C14orf39: variants seen among roughly 807,000 people sequenced by gnomAD.
The protein encoded by C14orf39 is protein SIX6OS1.
Under a neutral mutation model 85.6 loss-of-function variants are expected in C14orf39, and 66 were observed. The ratio of observed to expected loss-of-function variants is 0.77; its 90% CI spans 0.63 to 0.95. The LOEUF is 0.95. C14orf39 is among the 40% of genes least tolerant of loss of function. The pLI, the probability that C14orf39 is intolerant of heterozygous loss-of-function variation, is 0.00. For missense variants in C14orf39, 735 were observed against 663.9 expected (o/e 1.11, Z -1.18); for synonymous variants, 242 against 214.0 (o/e 1.13, Z -1.14).
chr14:60,475,453 C>T (rs1328437751), intron 5 of C14orf39, among the ~76,000 whole-genome samples: 1 of 152,024 alleles, frequency 6.6e-6, no homozygotes, highest in East Asian at 1.9e-4. Flanking sequence ...AATCTGCCAC[C>T]TATTTTTGTA....
intron 16 of C14orf39, among the ~76,000 whole-genome samples, chr14:60,444,312 G>A (rs1890660478): frequency 6.6e-6 from 1 of 152,278 alleles, no homozygotes; most frequent in African/African-American, 2.4e-5. Flanking sequence ...AAAAAGGTTA[G>A]ACGAATGGCT....
At chr14:60,480,509 T>C (rs1365853844) in intron 4 of C14orf39, among the ~76,000 whole-genome samples, 1 of 152,188 alleles carries the variant, frequency 6.6e-6, no homozygotes, top group Non-Finnish European at 1.5e-5. Context: ...TTGGTGGAAG[T>C]GTAAACTAGT....
At chr14:60,500,581 CACAA>C (rs1566688666) in intron 1 of C14orf39, among the ~76,000 whole-genome samples, 1 of 152,060 alleles carries the variant, frequency 6.6e-6, no homozygotes, top group Non-Finnish European at 1.5e-5. Flanking sequence ...TGCTGTAGAA[CACAA>C]TGTAACCTTC....
intron 16 of C14orf39, among the ~76,000 whole-genome samples, chr14:60,451,000 C>A (rs912238209): frequency 6.6e-6 from 1 of 152,194 alleles, no homozygotes; most frequent in Non-Finnish European, 1.5e-5. Flanking sequence ...ACAGGCACTA[C>A]AAGCCCAGAC....
chr14:60,515,138 C>G lies in C14orf39; in HGVS notation c.-144+257G>C, dbSNP rs979771210. ...CCCTGCCTGCGCCGCGCGGCTACCC[C>G]CGTGCCCGGCGCCGCCGACGGGAAG... On this transcript the variant is annotated intron_variant, in intron 1 of 5. Transcript: ENST00000556799. This position sits in a 1 kb window ranked among gnomAD's most constrained non-coding sequence, Gnocchi z 6.2. 2.6e-5 allele frequency: 4 copies of G among 152,000 alleles called. No individual in the cohort carries two copies. The highest frequency in any genetic ancestry group is 2.6e-4 in the Admixed American group (4 of 15,274). The allele number at this position is 152,000 out of a possible 1,614,324, so 9.4% of individuals were successfully genotyped here.
intron 2 of C14orf39, chr14:60,495,329 G>T: frequency 4.6e-6 from 1 of 218,346 alleles, no homozygotes; most frequent in South Asian, 8.1e-5. Context: ...CCAATCCTTG[G>T]GGAATTATAG....
At chr14:60,511,179 C>A (rs1310202054) in intron 1 of C14orf39, 1 of 1,612,928 alleles carries the variant, frequency 6.2e-7, no homozygotes, top group East Asian at 2.2e-5. Context: ...ACCAGCCCGG[C>A]CGCCAGTCTA....
At chr14:60,453,420 G>A (rs1169492673) in intron 16 of C14orf39, among the ~76,000 whole-genome samples, 6 of 150,880 alleles carry the variant, frequency 4.0e-5, no homozygotes, top group Non-Finnish European at 5.9e-5. Context: ...TCCATTTACT[G>A]TCAACCCGTC....
At chr14:60,482,879 G>GGTGGGTGTGT (rs1892701562) in intron 4 of C14orf39, among the ~76,000 whole-genome samples, 1 of 146,644 alleles carries the variant, frequency 6.8e-6, no homozygotes, top group Non-Finnish European at 1.5e-5. Flanking sequence ...TATATAGACA[G>GGTGGGTGTGT]GTGTGTGTGT....
intron 1 of C14orf39, chr14:60,511,111 T>C (rs765698334): frequency 2.5e-6 from 4 of 1,612,722 alleles, no homozygotes; most frequent in African/African-American, 1.3e-5. Context: ...TGTCACAGGG[T>C]TCCGGGCGGG....
rs146930018 is a variant in C14orf39 at position 60,438,605 on chromosome 14, G to A, written c.1562-1558C>T. On this transcript the variant is annotated intron_variant, in intron 17 of 17. Transcript: ENST00000321731. ...AAATCCTTGTCCTCAAAAAACCTGT[G>A]ATCTAGAGGAGATTTTATATCTATT... 1.7e-3 allele frequency among the ~76,000 whole-genome samples: 253 copies of A among 152,172 alleles called. 2 individuals carry two copies. The highest frequency in any genetic ancestry group is 6.0e-3 in the African/African-American group (249 of 41,528).
At chr14:60,457,331 C>G (rs1891325614) in intron 14 of C14orf39, among the ~76,000 whole-genome samples, 1 of 151,392 alleles carries the variant, frequency 6.6e-6, no homozygotes, top group Non-Finnish European at 1.5e-5. Context: ...CCACTTCTAC[C>G]TGAAAAAGTA....
At position 60,509,314 on chromosome 14, in the gene C14orf39, C is replaced by T. The variant is rs1247063954; in HGVS notation, c.-144+6081G>A. 4 of 1,199,502 alleles carry T rather than the reference C, an allele frequency of 3.3e-6. No individual in the cohort carries two copies. The East Asian group carries it at 7.0e-5, about 21-fold the overall frequency. 74.3% of individuals were successfully genotyped at this position (1,199,502 alleles called of 1,614,324 possible). A position where few individuals can be genotyped will look rare whatever the true frequency, so the allele number is the denominator to read the frequency against. On this transcript the variant is annotated intron_variant, in intron 1 of 5. Coordinates refer to the C14orf39 transcript ENST00000556799. ...CCCCAATCCGCCTCATCAACAAGCG[C>T]CTGGCACACTCAGCCAGGCCCGCGG...
chr14:60,508,074 A>C (rs930753734), intron 1 of C14orf39, among the ~76,000 whole-genome samples: 1 of 152,152 alleles, frequency 6.6e-6, no homozygotes, highest in African/African-American at 2.4e-5. Flanking sequence ...GGAGGGGTCA[A>C]TAATCAGCGG....
upstream of C14orf39, among the ~76,000 whole-genome samples, chr14:60,487,939 C>T (rs1387998765): frequency 6.6e-6 from 1 of 152,048 alleles, no homozygotes; most frequent in African/African-American, 2.4e-5. Context: ...CTATTCAGGT[C>T]CTTTGCCCAT....
At chr14:60,504,854 G>A (rs149991073) in intron 1 of C14orf39, among the ~76,000 whole-genome samples, 297 of 152,298 alleles carry the variant, frequency 2.0e-3, no homozygotes, top group African/African-American at 6.5e-3. Flanking sequence ...CCACTAGCTA[G>A]AAGTCAAAAC....
Position 60,497,797 on chromosome 14 carries a change from G to A in C14orf39, c.-9+1499C>T, listed in dbSNP as rs148969378. Among the ~76,000 whole-genome samples, 338 of 151,968 alleles carry A rather than the reference G, an allele frequency of 2.2e-3. 2 individuals carry two copies. Among genetic ancestry groups the A allele is most frequent in the African/African-American group, 7.0e-3 (290 of 41,438 alleles). ...CTTGGGAGGCTGAGGCAGGAGAATC[G>A]ATTGAACCTAAGAGGCAGAGGATGC... is the stretch of plus-strand genomic sequence containing the variant. On this transcript the variant is annotated intron_variant, in intron 2 of 5. Coordinates refer to the C14orf39 transcript ENST00000556799.
At position 60,483,717 on chromosome 14, in the gene C14orf39, A is replaced by G. The variant is rs755256653; in HGVS notation, c.207T>C (p.Ser69=). The G allele has an allele frequency of 7.5e-6, 12 of 1,596,598 alleles. No individual in the cohort carries two copies. The Admixed American group carries it at 1.2e-4, about 16-fold the overall frequency. ...TTCTACAGTTGTCTTTAATCTCCTC[A>G]CTATGTTTACAGTAATGATCAATTT... is the stretch of plus-strand genomic sequence containing the variant. ...DEEIDHYCKH[S]EEIKDNCRNW... The change falls in exon 4 of 18, where the codon AGT becomes AGC. Residue 69 remains serine, a synonymous_variant. Coordinates refer to ENST00000321731, the MANE Select transcript of C14orf39 (RefSeq NM_174978.3).
chr14:60,470,800 T>C (rs1241830115), intron 7 of C14orf39, among the ~76,000 whole-genome samples: 2 of 151,944 alleles, frequency 1.3e-5, no homozygotes, highest in Non-Finnish European at 2.9e-5. Context: ...AGTGGAGTTA[T>C]AATCTGATAG....
Sources: allele counts gnomAD v4.1 joint callset (sites outside exome capture counted in the v4.1 genomes callset), GRCh38; gene constraint gnomAD v4.1.1; non-coding constraint Gnocchi (gnomAD v3.1); transcripts MANE v1.5; gene names NCBI Gene and HGNC (gene_info 2026-07-23, HGNC 2026-07-21).